ROS1: variants seen among roughly 807,000 people sequenced by gnomAD.
The protein encoded by ROS1 is proto-oncogene tyrosine-protein kinase ROS.
ROS1 carries 263 observed loss-of-function variants against 273.5 expected under a neutral mutation model. The ratio of observed to expected loss-of-function variants is 0.96; its 90% CI spans 0.87 to 1.06. The LOEUF is 1.06. Ranked by LOEUF, ROS1 falls within the 50% of genes least tolerant of loss-of-function variation. The pLI is 0.00. For missense variants in ROS1, 2,833 were observed against 2,751.1 expected (o/e 1.03, Z -0.67); for synonymous variants, 1,008 against 954.1 (o/e 1.06, Z -1.04).
chr6:117,320,046 AT>A lies in ROS1; in HGVS notation c.5760-17del. On this transcript the variant is annotated splice_polypyrimidine_tract_variant and intron_variant, in intron 36 of 43. Coordinates refer to ENST00000368507, the MANE Select transcript of ROS1 (RefSeq NM_001378902.1). The stretch of plus-strand genomic sequence containing the variant: ...TGGAAGAGTACTGTAAAATAGCAAC[AT>A]TTTTGTCTCCCCACCCTCCACATAT... 1.2e-6 allele frequency: 2 copies of A among 1,611,518 alleles called. No individual in the cohort carries two copies. The highest frequency in any genetic ancestry group is 1.3e-5 in the African/African-American group (1 of 74,888).
At chr6:117,291,943 C>A (rs1370612628) in intron 43 of ROS1, among the ~76,000 whole-genome samples, 1 of 151,898 alleles carries the variant, frequency 6.6e-6, no homozygotes, top group African/African-American at 2.4e-5. Context: ...CCCATTATGG[C>A]AACCTCTGTG....
At chr6:117,349,966 A>G in intron 27 of ROS1, among the ~76,000 whole-genome samples, 1 of 152,030 alleles carries the variant, frequency 6.6e-6, no homozygotes, top group East Asian at 1.9e-4. Flanking sequence ...ATACATACAT[A>G]AGTGGATATA....
chr6:117,406,808 ATATT>A (rs1023016310), intron 5 of ROS1, among the ~76,000 whole-genome samples: 1 of 152,232 alleles, frequency 6.6e-6, no homozygotes, highest in African/African-American at 2.4e-5. Flanking sequence ...ATAAAACTGT[ATATT>A]TATTTCATCT....
intron 14 of ROS1, among the ~76,000 whole-genome samples, chr6:117,387,251 C>T (rs1456204682): frequency 6.6e-6 from 1 of 152,150 alleles, no homozygotes; most frequent in Non-Finnish European, 1.5e-5. Flanking sequence ...GTGAGATTGC[C>T]TCTATAACGG....
rs1447702190 is a variant in ROS1, at chr6:117,415,700, C to A, written c.228+558G>T. 9.9e-5 allele frequency among the ~76,000 whole-genome samples: 15 copies of A among 152,156 alleles called. 1 individual carries two copies. The highest frequency in any genetic ancestry group is 8.5e-4 in the Admixed American group (13 of 15,266). On this transcript the variant is annotated intron_variant, in intron 3 of 43. Coordinates refer to ENST00000368507, the MANE Select transcript of ROS1 (RefSeq NM_001378902.1). Reference sequence around the variant, plus strand: ...AAAGTATCTGGGGATGTATTTCCTACATAAAGGGGAGTAAACCAGGTGTTT... The same window carrying A: ...AAAGTATCTGGGGATGTATTTCCTAAATAAAGGGGAGTAAACCAGGTGTTT...
intron 31 of ROS1, among the ~76,000 whole-genome samples, chr6:117,338,576 C>T (rs373018918): frequency 5.3e-5 from 8 of 151,676 alleles, no homozygotes; most frequent in African/African-American, 1.7e-4. Flanking sequence ...GGTTCTGTCT[C>T]CTTCATTATC....
In ROS1 at chr6:117,359,820, A is replaced by G; in HGVS notation, c.3622T>C (p.Ser1208Pro). ...ACATAGTGAAATACCTCAGAGCTAG[A>G]GCGATTGTGCAAGTGCAGAAGAAAG... ...SLFLLHLHNR[S>P]SSELFQDSLV... is the part of the protein sequence containing the mutation. The change falls in exon 24 of 44, where the codon TCT becomes CCT. Residue 1208 changes from serine (S) to proline (P), a missense_variant. Ser to Pro is a moderately conservative substitution (Grantham distance 74). Transcript: ENST00000368507. 6.2e-7 allele frequency: 1 copy of G among 1,613,518 alleles called. No individual in the cohort carries two copies. The highest frequency in any genetic ancestry group is 8.5e-7 in the Non-Finnish European group (1 of 1,179,500).
chr6:117,304,515 G>A (rs758366196), intron 42 of ROS1, among the ~76,000 whole-genome samples: 9 of 152,082 alleles, frequency 5.9e-5, no homozygotes, highest in Non-Finnish European at 1.2e-4. Flanking sequence ...AGTTAGTTGA[G>A]GTTAACCATG....
rs1320951247 is a variant in ROS1 at position 117,311,155 on chromosome 6, A to G, written c.6118-38T>C. On this transcript the variant is annotated intron_variant, in intron 39 of 43. Coordinates refer to ENST00000368507, the MANE Select transcript of ROS1 (RefSeq NM_001378902.1). ...AAAGAAAAATTACAGGTAGTTATCT[A>G]GTTTGCATGAAATATATACATATAT... The G allele has an allele frequency of 2.4e-6, 3 of 1,236,134 alleles. No homozygotes were observed. The Admixed American group carries it at 5.4e-5, about 22-fold the overall frequency. 76.6% of individuals were successfully genotyped at this position (1,236,134 alleles called of 1,614,324 possible).
intron 43 of ROS1, among the ~76,000 whole-genome samples, chr6:117,292,114 C>T (rs1014668917): frequency 8.6e-5 from 13 of 151,970 alleles, no homozygotes; most frequent in African/African-American, 2.4e-4. Flanking sequence ...GGAATACAGG[C>T]GCCCACCACC....
chr6:117,410,153 C>A (rs1337134466), intron 4 of ROS1, among the ~76,000 whole-genome samples: 1 of 152,224 alleles, frequency 6.6e-6, no homozygotes, highest in African/African-American at 2.4e-5. Flanking sequence ...CAATGATATT[C>A]TATTCTATTG....
intron 5 of ROS1, among the ~76,000 whole-genome samples, chr6:117,406,304 A>T (rs910436278): frequency 1.3e-5 from 2 of 151,580 alleles, no homozygotes; most frequent in Non-Finnish European, 2.9e-5. Context: ...GTGAAAAGAG[A>T]TATGGGAGGT....
In ROS1 at chr6:117,288,720, T is replaced by C. The variant is rs2128521168; in HGVS notation, c.6798A>G (p.Leu2266=). The change falls in exon 44 of 44, where the codon TTA becomes TTG. Residue 2266 remains leucine (L), a synonymous_variant. Coordinates refer to ENST00000368507, the MANE Select transcript of ROS1 (RefSeq NM_001378902.1). ...ATTCTGTAGCAAGTACCATATAGTTTAACCCTTCTCGGTTCTTCGTTTCCA... is the reference window on the plus strand; with the variant it reads ...ATTCTGTAGCAAGTACCATATAGTTCAACCCTTCTCGGTTCTTCGTTTCCA... ...ALMETKNREG[L]NYMVLATECG... The C allele has an allele frequency of 2.5e-6, 4 of 1,614,170 alleles. No homozygotes were observed. The highest frequency in any genetic ancestry group is 3.4e-6 in the Non-Finnish European group (4 of 1,179,992).
At chr6:117,401,744 G>A (rs1353492366) in intron 7 of ROS1, among the ~76,000 whole-genome samples, 2 of 145,002 alleles carry the variant, frequency 1.4e-5, no homozygotes, top group Non-Finnish European at 3.0e-5. Context: ...TGAAAAAAGT[G>A]CGCAATCTTC....
At chr6:117,336,658 A>G (rs1448035096) in intron 32 of ROS1, among the ~76,000 whole-genome samples, 1 of 152,162 alleles carries the variant, frequency 6.6e-6, no homozygotes, top group Non-Finnish European at 1.5e-5. Context: ...TCTTTGTAAT[A>G]GAATGATTTA....
chr6:117,394,730 C>A lies in ROS1; in HGVS notation c.892G>T (p.Glu298Ter). The A allele has an allele frequency of 6.2e-7, 1 of 1,607,152 alleles. No individual in the cohort carries two copies. The change falls in exon 10 of 44, where the codon GAG (glutamate) becomes TAG (stop). Residue 298 changes from glutamate to a stop codon, truncating the protein, a stop_gained. Transcript: ENST00000368507. LOFTEE classifies it high-confidence loss of function. ...CTGGATAAAAAGAGCCACTGTTCCT[C>A]TTGTTGAACTGAAAAAAACAACACA... is the stretch of plus-strand genomic sequence containing the variant. Reference protein sequence around the residue: ...ITTSSSAVQQEEQWLFLSRKT... With the variant: ...ITTSSSAVQQ
intron 34 of ROS1, among the ~76,000 whole-genome samples, chr6:117,325,481 A>C (rs1776568845): frequency 1.3e-5 from 2 of 152,210 alleles, no homozygotes; most frequent in African/African-American, 4.8e-5. Context: ...AAGACCTCAC[A>C]TGCCACAAAG....
chr6:117,319,864 T>TTACCTTCAC lies in ROS1; in HGVS notation c.5917_5922+3dup, dbSNP rs1562267422. The TTACCTTCAC allele has an allele frequency of 1.2e-6, 2 of 1,612,010 alleles. No homozygotes were observed. Among genetic ancestry groups the TTACCTTCAC allele is most frequent in the Admixed American group, 3.3e-5 (2 of 59,910 alleles). ...GTGTCAAGGAGTTCGAAGATTCACA[T>TTACCTTCAC]TACCTTCACTGCTACTTTGATTTCT... On this transcript the variant is annotated splice_donor_region_variant and intron_variant, in intron 37 of 43. Coordinates refer to ENST00000368507, the MANE Select transcript of ROS1 (RefSeq NM_001378902.1).
rs144393305 is a variant in ROS1, at chr6:117,288,767, C to T, written c.6751G>A (p.Asp2251Asn). 5 of 1,607,998 alleles carry T rather than the reference C, an allele frequency of 3.1e-6. No homozygotes were observed. Among genetic ancestry groups the T allele is most frequent in the Non-Finnish European group, 4.2e-6 (5 of 1,177,332 alleles). The change falls in exon 44 of 44, where the codon GAC becomes AAC. Residue 2251 changes from aspartate (D) to asparagine (N), a missense_variant. Coordinates refer to ENST00000368507, the MANE Select transcript of ROS1 (RefSeq NM_001378902.1). ...TCCATTAAAGCAACTGGCATAATGT[C>T]ATCTGAATTCAAACAAATCACATCG... ...DGDVICLNSDDIMPVALMETK... is the reference protein window; with the variant it reads ...DGDVICLNSDNIMPVALMETK...
Sources: allele counts gnomAD v4.1 joint callset (sites outside exome capture counted in the v4.1 genomes callset), GRCh38; gene constraint gnomAD v4.1.1; transcripts MANE v1.5; gene names NCBI Gene and HGNC (gene_info 2026-07-23, HGNC 2026-07-21).